IL1RAPL2: variants seen among roughly 807,000 people sequenced by gnomAD.
IL1RAPL2 encodes the protein interleukin 1 receptor accessory protein like 2, also known as X-linked interleukin-1 receptor accessory protein-like 2.
Under a neutral mutation model 44.1 loss-of-function variants are expected in IL1RAPL2, and 3 were observed. The observed-to-expected ratio is 0.07, with a 90% confidence interval of 0.03 to 0.18. The LOEUF is 0.18. Ranked by LOEUF, IL1RAPL2 falls within the 10% of genes least tolerant of loss-of-function variation. The pLI, the probability that IL1RAPL2 is intolerant of heterozygous loss-of-function variation, is 1.00. For synonymous variants in IL1RAPL2, 181 were observed against 178.8 expected (o/e 1.01, Z -0.10); for missense variants, 391 against 496.4 (o/e 0.79, Z 2.02).
chrX:105,468,887 T>C (rs929329470), intron 5 of IL1RAPL2, among the ~76,000 whole-genome samples: 2 of 111,890 alleles, frequency 1.8e-5, no homozygotes, highest in East Asian at 5.6e-4. Context: ...CATATTTCTT[T>C]TCAAAAATAT....
chrX:105,234,998 A>G (rs1413418009), intron 4 of IL1RAPL2, among the ~76,000 whole-genome samples: 2 of 110,501 alleles, frequency 1.8e-5, no homozygotes, highest in Non-Finnish European at 3.8e-5. Flanking sequence ...CCTTAAAGGA[A>G]CATATGAGGG....
chrX:104,622,251 C>T, intron 1 of IL1RAPL2, among the ~76,000 whole-genome samples: 1 of 109,834 alleles, frequency 9.1e-6, no homozygotes, highest in East Asian at 2.9e-4. Context: ...GGCAGGTGTA[C>T]TGACTTTTTT....
chrX:104,889,279 T>C (rs756803893), intron 2 of IL1RAPL2, among the ~76,000 whole-genome samples: 72 of 111,034 alleles, frequency 6.5e-4, no homozygotes, highest in African/African-American at 2.2e-3. Context: ...TCAACCACTC[T>C]CTCAAAAGGT....
chrX:105,115,426 G>C (rs1042739513), intron 2 of IL1RAPL2, among the ~76,000 whole-genome samples: 1 of 111,419 alleles, frequency 9.0e-6, no homozygotes, highest in Admixed American at 9.5e-5. Flanking sequence ...AGAGCCGATT[G>C]GTCCATTTTG....
chrX:104,603,018 A>G (rs1928918769), intron 1 of IL1RAPL2, among the ~76,000 whole-genome samples: 1 of 111,607 alleles, frequency 9.0e-6, no homozygotes, highest in African/African-American at 3.3e-5. Flanking sequence ...CCTGAACCGC[A>G]TGTATCATGA....
intron 5 of IL1RAPL2, among the ~76,000 whole-genome samples, chrX:105,289,672 A>G (rs2034597952): frequency 9.0e-6 from 1 of 111,691 alleles, no homozygotes; most frequent in Non-Finnish European, 1.9e-5. Flanking sequence ...GAGATGGGGA[A>G]GATGGAATCA....
intron 2 of IL1RAPL2, among the ~76,000 whole-genome samples, chrX:104,755,775 C>T (rs1421372835): frequency 9.0e-6 from 1 of 110,802 alleles, no homozygotes; most frequent in African/African-American, 3.3e-5. Flanking sequence ...ATTATAAGGC[C>T]AGATTACTAG....
intron 5 of IL1RAPL2, among the ~76,000 whole-genome samples, chrX:105,343,756 G>A (rs1479879526): frequency 8.9e-6 from 1 of 112,151 alleles, no homozygotes; most frequent in Non-Finnish European, 1.9e-5. Flanking sequence ...TATAGTGTGT[G>A]CCTGGAAAGA....
intron 5 of IL1RAPL2, among the ~76,000 whole-genome samples, chrX:105,461,574 G>T (rs73527158): frequency 9.0e-6 from 1 of 110,545 alleles, no homozygotes; most frequent in Non-Finnish European, 1.9e-5. Flanking sequence ...TTTCTTCCCC[G>T]CCCAAAGGCT....
At chrX:105,747,545 C>CATATAT (rs1228445777) in intron 8 of IL1RAPL2, among the ~76,000 whole-genome samples, 1 of 99,328 alleles carries the variant, frequency 1.0e-5, no homozygotes, top group Non-Finnish European at 2.0e-5. Context: ...TACACACACA[C>CATATAT]ACACACATAT....
chrX:105,514,142 A>C (rs903675300), intron 6 of IL1RAPL2, among the ~76,000 whole-genome samples: 1 of 111,640 alleles, frequency 9.0e-6, no homozygotes, highest in Non-Finnish European at 1.9e-5. Flanking sequence ...GTATTTTCTA[A>C]GAAAAATTGG....
chrX:105,154,085 G>A (rs2033250272), intron 2 of IL1RAPL2, among the ~76,000 whole-genome samples: 1 of 111,744 alleles, frequency 8.9e-6, no homozygotes, highest in South Asian at 3.8e-4. Context: ...CATGTGATGT[G>A]ATACCAAAGT....
intron 2 of IL1RAPL2, among the ~76,000 whole-genome samples, chrX:104,663,966 G>A (rs1331613173): frequency 2.7e-5 from 3 of 109,668 alleles, no homozygotes; most frequent in South Asian, 4.0e-4. Flanking sequence ...TGGGGCTGAC[G>A]GGGAGGGAAA....
intron 5 of IL1RAPL2, among the ~76,000 whole-genome samples, chrX:105,354,832 A>G (rs978306057): frequency 1.8e-5 from 2 of 110,828 alleles, no homozygotes; most frequent in African/African-American, 6.6e-5. Flanking sequence ...CCATATGTGG[A>G]TGCTACTTAT....
chrX:104,727,520 T>G (rs2147568787), intron 2 of IL1RAPL2, among the ~76,000 whole-genome samples: 1 of 111,568 alleles, frequency 9.0e-6, no homozygotes. Flanking sequence ...TGGAAAACGG[T>G]ATGTAGATTT....
chrX:105,497,770 A>G (rs1321741085), intron 6 of IL1RAPL2, among the ~76,000 whole-genome samples: 1 of 112,389 alleles, frequency 8.9e-6, no homozygotes, highest in African/African-American at 3.2e-5. Context: ...AAGTTTCAAC[A>G]TATGAAAATC....
chrX:105,179,899 GT>G (rs1490508715), intron 2 of IL1RAPL2, among the ~76,000 whole-genome samples: 2 of 109,409 alleles, frequency 1.8e-5, no homozygotes, highest in East Asian at 2.8e-4. Flanking sequence ...GAGTCTTTAG[GT>G]TTTTTTAGAT....
At chrX:104,982,844 A>G (rs752702608) in intron 2 of IL1RAPL2, among the ~76,000 whole-genome samples, 1 of 111,572 alleles carries the variant, frequency 9.0e-6, no homozygotes, top group Admixed American at 9.6e-5. Context: ...ATTCTTGTAT[A>G]GCAATTCCAC....
In IL1RAPL2 at chrX:105,215,927, ACT is replaced by A. The variant is rs781912349; in HGVS notation, c.357-17887_357-17886del. Among the ~76,000 whole-genome samples, 8 of 111,632 alleles carry A rather than the reference ACT, an allele frequency of 7.2e-5. No homozygotes were observed. In the South Asian group the frequency reaches 1.9e-3, roughly 27 times the overall value. On this transcript the variant is annotated intron_variant, in intron 3 of 10. Coordinates refer to ENST00000372582, the MANE Select transcript of IL1RAPL2 (RefSeq NM_017416.2). ...AATTCAACACCCCTTTATGATAAAA[ACT>A]CTCAATAAACTAGGTGGTGATGGAA...
Sources: gnomAD v4.1 joint callset for allele counts (sites outside exome capture counted in the v4.1 genomes callset) on GRCh38, gnomAD v4.1.1 for gene constraint, MANE v1.5 for transcripts, NCBI Gene and HGNC (gene_info 2026-07-23, HGNC 2026-07-21) for gene names.